The following TMIGD3 variants were observed in gnomAD, a reference collection of about 807,000 sequenced individuals.
TMIGD3 encodes the protein transmembrane and immunoglobulin domain containing 3.
TMIGD3 carries 21 observed loss-of-function variants against 28.1 expected under a neutral mutation model. The observed-to-expected ratio is 0.75, with a 90% CI of 0.53 to 1.08. TMIGD3 has a LOEUF of 1.08. Among genes scored for constraint, TMIGD3 ranks in the 50% least tolerant of loss-of-function variants. The probability of loss-of-function intolerance (pLI) is 0.00; values close to 1 mark genes in which losing one functional copy is unlikely to be tolerated. For missense variants in TMIGD3, 416 were observed against 435.6 expected, an observed-to-expected ratio of 0.96 and a Z score of 0.40; for synonymous variants, 151 against 162.1, an observed-to-expected ratio of 0.93 and a Z score of 0.52.
At chr1:111,522,934 A>C (rs1180017957) in intron 1 of TMIGD3, among the ~76,000 whole-genome samples, 1 of 152,222 alleles carries the variant, frequency 6.6e-6, no homozygotes, top group Admixed American at 6.5e-5. Flanking sequence ...CACCTGCAAA[A>C]AAAGAAGTCA....
intron 1 of TMIGD3, among the ~76,000 whole-genome samples, chr1:111,532,861 G>A (rs1209144070): frequency 6.6e-6 from 1 of 152,182 alleles, no homozygotes; most frequent in African/African-American, 2.4e-5. Context: ...TGAGCTGATA[G>A]CGGACCTGGT....
At chr1:111,563,931 G>A (rs768379061) in exon 1 of TMIGD3, 2 of 1,613,714 alleles carry the variant, frequency 1.2e-6, no homozygotes, top group Admixed American at 3.3e-5. Context: ...TGCTCAATGG[G>A]TCCTGCTGGA....
intron 1 of TMIGD3, among the ~76,000 whole-genome samples, chr1:111,522,410 C>G (rs1656098805): frequency 6.6e-6 from 1 of 152,186 alleles, no homozygotes; most frequent in Non-Finnish European, 1.5e-5. Context: ...CATCATATCT[C>G]TCCACTTTAT....
intron 1 of TMIGD3, among the ~76,000 whole-genome samples, chr1:111,519,570 G>A (rs1482407243): frequency 6.6e-6 from 1 of 152,124 alleles, no homozygotes; most frequent in Non-Finnish European, 1.5e-5. Context: ...AGACCACCAG[G>A]CACATAATTA....
chr1:111,562,984 A>G (rs1657801441), intron 1 of TMIGD3, among the ~76,000 whole-genome samples: 1 of 152,236 alleles, frequency 6.6e-6, no homozygotes, highest in Non-Finnish European at 1.5e-5. Context: ...TATCTTTTGA[A>G]ATTCTCACAA....
At chr1:111,486,771 C>G (rs1654396824) in intron 3 of TMIGD3, 119 bp from the exon 4 acceptor site, 1 of 808,158 alleles carries the variant, frequency 1.2e-6, no homozygotes, top group African/African-American at 1.7e-5. Flanking sequence ...TGGTTGACTC[C>G]AGAGTAAAGC....
intron 1 of TMIGD3, among the ~76,000 whole-genome samples, chr1:111,492,251 C>T (rs1357273154): frequency 6.6e-6 from 1 of 152,146 alleles, no homozygotes; most frequent in African/African-American, 2.4e-5. Flanking sequence ...ACCAAAATGC[C>T]CCCTGAATTT....
chr1:111,501,429 CAACA>C (rs1655167722), intron 1 of TMIGD3: 1 of 152,082 alleles, frequency 6.6e-6, no homozygotes, highest in Non-Finnish European at 1.5e-5. Flanking sequence ...TTAAATCTCA[CAACA>C]AACAGGAGAT....
chr1:111,524,715 G>A (rs1041521493), intron 1 of TMIGD3, among the ~76,000 whole-genome samples: 1 of 152,142 alleles, frequency 6.6e-6, no homozygotes, highest in African/African-American at 2.4e-5. Context: ...CGCCTCCCGG[G>A]TTTAAGTGAT....
At chr1:111,515,377 C>G (rs1655825479) in intron 1 of TMIGD3, among the ~76,000 whole-genome samples, 2 of 152,204 alleles carry the variant, frequency 1.3e-5, no homozygotes, top group East Asian at 3.9e-4. Flanking sequence ...TGCCAGTTCC[C>G]TACCCTGTGG....
chr1:111,508,972 G>A (rs2100992259), intron 1 of TMIGD3, among the ~76,000 whole-genome samples: 1 of 152,360 alleles, frequency 6.6e-6, no homozygotes. Context: ...GCGGGCGCCT[G>A]TAATCCCAGC....
rs180970913 is a variant in TMIGD3 at position 111,548,591 on chromosome 1, T to C, written c.107+15255A>G. 7.2e-5 allele frequency among the ~76,000 whole-genome samples: 11 copies of C among 152,376 alleles called. No homozygotes were observed. The East Asian group carries it at 1.9e-3, about 27-fold the overall frequency. On this transcript the variant is annotated intron_variant, in intron 1 of 5. Transcript: ENST00000369717. The stretch of plus-strand genomic sequence containing the variant: ...TAAGCTGAACCAACTGAGATGTTTA[T>C]GGCATTGACTATTGTTTCTGCTGTT...
chr1:111,502,736 C>G lies in TMIGD3; in HGVS notation c.350+269G>C, dbSNP rs138133897. On this transcript the variant is annotated intron_variant, in intron 1 of 5. Transcript: ENST00000369716. ...GCATCAAGATTTCATCATTTTTAGCCAAGGATTAGTAATTACAGCTGGAGG... is the reference window on the plus strand; with the variant it reads ...GCATCAAGATTTCATCATTTTTAGCGAAGGATTAGTAATTACAGCTGGAGG... 3.2e-3 allele frequency among the ~76,000 whole-genome samples: 491 copies of G among 151,478 alleles called. 5 individuals carry two copies. Among genetic ancestry groups the G allele is most frequent in the Middle Eastern group, 0.02 (6 of 294 alleles).
At chr1:111,500,027 G>A (rs758529872) in intron 1 of TMIGD3, 4 of 1,614,204 alleles carry the variant, frequency 2.5e-6, no homozygotes, top group South Asian at 1.1e-5. Flanking sequence ...AGGATCAAAA[G>A]GTAGGTTTCC....
chr1:111,534,329 C>A (rs1408783603), intron 1 of TMIGD3, among the ~76,000 whole-genome samples: 1 of 152,124 alleles, frequency 6.6e-6, no homozygotes, highest in Non-Finnish European at 1.5e-5. Context: ...GTGTACATGA[C>A]AGCATATCAC....
intron 5 of TMIGD3, chr1:111,485,534 A>G (rs1043816641): frequency 2.0e-6 from 1 of 489,180 alleles, no homozygotes; most frequent in East Asian, 3.3e-5. Context: ...TCCACTTAAG[A>G]AAGCTCCAGT....
chr1:111,543,914 G>A (rs1055608130), intron 1 of TMIGD3, among the ~76,000 whole-genome samples: 1 of 152,132 alleles, frequency 6.6e-6, no homozygotes, highest in Non-Finnish European at 1.5e-5. Context: ...CAAAGATGGG[G>A]CTCTCTTCTT....
intron 1 of TMIGD3, among the ~76,000 whole-genome samples, chr1:111,498,324 G>A (rs1654986556): frequency 6.6e-6 from 1 of 152,174 alleles, no homozygotes; most frequent in Non-Finnish European, 1.5e-5. Flanking sequence ...GTTCACAGCA[G>A]CAAATTTGGA....
chr1:111,504,978 G>T (rs1655430131), upstream of TMIGD3: 1 of 985,046 alleles, frequency 1.0e-6, no homozygotes, highest in African/African-American at 1.7e-5. Context: ...TGTCAGTTCT[G>T]CCCACATCCC....
Sources: gnomAD v4.1 joint callset for allele counts (sites outside exome capture counted in the v4.1 genomes callset) on GRCh38, gnomAD v4.1.1 for gene constraint, MANE v1.5 for transcripts, NCBI Gene and HGNC (gene_info 2026-07-23, HGNC 2026-07-21) for gene names.